Variants in KALRN observed in about 807,000 individuals in gnomAD.
KALRN encodes the protein kalirin.
In KALRN, 70 loss-of-function variants were observed where a neutral mutation model predicts 353.7. That is an observed-to-expected ratio of 0.20 (90% CI 0.16 to 0.24). The LOEUF (loss-of-function observed/expected upper bound fraction) is 0.24, where lower values mean the gene tolerates loss of function less well. Among genes scored for constraint, KALRN ranks in the 10% least tolerant of loss-of-function variants. KALRN has a pLI of 1.00. For missense variants in KALRN, 2,791 were observed against 3,756.7 expected, an observed-to-expected ratio of 0.74 and a Z score of 6.72; for synonymous variants, 1,391 against 1,434.8, an observed-to-expected ratio of 0.97 and a Z score of 0.69.
chr3:124,325,957 G>A, intron 6 of KALRN, 23 bp from the exon 7 acceptor site: 1 of 1,600,518 alleles, frequency 6.2e-7, no homozygotes, highest in South Asian at 1.1e-5. Context: ...CTGCCCCACT[G>A]AGCACTCTCC....
chr3:124,482,941 G>A (rs1442973917), intron 28 of KALRN, 41 bp downstream of exon 28: 6 of 1,367,302 alleles, frequency 4.4e-6, no homozygotes, highest in Non-Finnish European at 6.3e-6. Flanking sequence ...ACTGCCTACT[G>A]CCTGGGGCAA....
At chr3:124,698,865 G>A (rs1486519938) in intron 55 of KALRN, among the ~76,000 whole-genome samples, 1 of 152,146 alleles carries the variant, frequency 6.6e-6, no homozygotes, top group Middle Eastern at 3.2e-3. Context: ...AGAAACAACT[G>A]AGACTTCCAT....
intron 32 of KALRN, 69 bp from the exon 33 acceptor site, chr3:124,496,242 C>G: frequency 1.7e-6 from 2 of 1,196,434 alleles, no homozygotes; most frequent in Non-Finnish European, 2.5e-6. Context: ...ACCGGAAATC[C>G]TTGTGTGCTC....
At chr3:124,572,047 G>T (rs1305322524) in intron 34 of KALRN, among the ~76,000 whole-genome samples, 1 of 151,858 alleles carries the variant, frequency 6.6e-6, no homozygotes, top group Non-Finnish European at 1.5e-5. Flanking sequence ...TTGAGACTGG[G>T]TGCAGTGGCT....
In KALRN at chr3:124,674,346, A is replaced by C. The variant is rs1315498888; in HGVS notation, c.6943-18A>C. On this transcript the variant is annotated intron_variant, in intron 48 of 59. Transcript: ENST00000682506. ...GCGTCCTTGTGTTTGTGCCCCTCTCACCCTTATCTCCCAGCAGAACGACCT... is the reference window on the plus strand; with the variant it reads ...GCGTCCTTGTGTTTGTGCCCCTCTCCCCCTTATCTCCCAGCAGAACGACCT... 7 of 1,605,782 alleles carry C rather than the reference A, an allele frequency of 4.4e-6. No individual in the cohort carries two copies. Among genetic ancestry groups the C allele is most frequent in the Middle Eastern group, 1.7e-4 (1 of 5,980 alleles).
chr3:124,414,779 T>C (rs2092402787), intron 14 of KALRN, among the ~76,000 whole-genome samples: 1 of 152,176 alleles, frequency 6.6e-6, no homozygotes, highest in Non-Finnish European at 1.5e-5. Flanking sequence ...ACCGGGGTCC[T>C]TGTTGGCTCA....
At chr3:124,274,341 G>A (rs886836812) in intron 5 of KALRN, among the ~76,000 whole-genome samples, 2 of 152,214 alleles carry the variant, frequency 1.3e-5, no homozygotes, top group South Asian at 2.1e-4. Flanking sequence ...CTTCTGATGT[G>A]GGGAAGGCCC....
chr3:124,650,921 G>A lies in KALRN; in HGVS notation c.5778G>A (p.Lys1926=). The change falls in exon 38 of 60, where the codon AAG becomes AAA. Residue 1926 remains lysine (K), a synonymous_variant. Transcript: ENST00000682506. The stretch of plus-strand genomic sequence containing the variant: ...ACCCAGAAGAAGAACAGAAAGCCAA[G>A]GCCCTGAGAGGCAGGATGTAAGTGG... ...PKNPEEEQKA[K]ALRGRMFVLN... 1 of 1,614,150 alleles carries A rather than the reference G, an allele frequency of 6.2e-7. No individual in the cohort carries two copies. Among genetic ancestry groups the A allele is most frequent in the Non-Finnish European group, 8.5e-7 (1 of 1,180,016 alleles).
chr3:124,341,314 T>G (rs1386672255), intron 9 of KALRN, among the ~76,000 whole-genome samples: 1 of 152,248 alleles, frequency 6.6e-6, no homozygotes, highest in Non-Finnish European at 1.5e-5. Flanking sequence ...TCCCTAGTGA[T>G]GACATTCCTG....
At chr3:124,141,428 T>A (rs554144161) in intron 1 of KALRN, among the ~76,000 whole-genome samples, 1 of 152,284 alleles carries the variant, frequency 6.6e-6, no homozygotes, top group South Asian at 2.1e-4. Flanking sequence ...CTTTTTCTCA[T>A]GTGGGTGAGA....
chr3:124,709,227 C>A (rs1184692113), intron 57 of KALRN, among the ~76,000 whole-genome samples: 1 of 151,970 alleles, frequency 6.6e-6, no homozygotes. Context: ...CATAATCCTG[C>A]AATAAAAAAG....
intron 5 of KALRN, among the ~76,000 whole-genome samples, chr3:124,276,391 C>T (rs920251766): frequency 1.3e-5 from 2 of 152,156 alleles, no homozygotes; most frequent in Non-Finnish European, 2.9e-5. Flanking sequence ...TCCTCTCCCT[C>T]CAAGGTATAA....
intron 34 of KALRN, among the ~76,000 whole-genome samples, chr3:124,610,550 A>G (rs1049448150): frequency 1.3e-5 from 2 of 152,104 alleles, no homozygotes; most frequent in African/African-American, 4.8e-5. Flanking sequence ...AAAGCTTGAT[A>G]AAGAGGGTGG....
At chr3:124,216,877 T>C (rs2077387499) in intron 1 of KALRN, among the ~76,000 whole-genome samples, 1 of 152,220 alleles carries the variant, frequency 6.6e-6, no homozygotes, top group South Asian at 2.1e-4. Flanking sequence ...TTATTATGGA[T>C]AGGGTCTAGG....
At chr3:124,249,161 C>G (rs2070765447) in intron 3 of KALRN, among the ~76,000 whole-genome samples, 1 of 152,216 alleles carries the variant, frequency 6.6e-6, no homozygotes, top group African/African-American at 2.4e-5. Flanking sequence ...CTTACATACA[C>G]ACAAACTCAG....
At chr3:124,652,066 C>G (rs1209631739) in intron 38 of KALRN, among the ~76,000 whole-genome samples, 1 of 152,136 alleles carries the variant, frequency 6.6e-6, no homozygotes, top group African/African-American at 2.4e-5. Flanking sequence ...TGTGAAGGGT[C>G]CCTCCCTGTT....
intron 1 of KALRN, among the ~76,000 whole-genome samples, chr3:124,184,925 G>T (rs2074033454): frequency 6.6e-6 from 1 of 152,200 alleles, no homozygotes; most frequent in Non-Finnish European, 1.5e-5. Context: ...GGGTGGATCT[G>T]TATGAATGCA....
At chr3:124,233,327 C>T (rs1057376626) in intron 2 of KALRN, among the ~76,000 whole-genome samples, 5 of 152,194 alleles carry the variant, frequency 3.3e-5, no homozygotes, top group Admixed American at 2.0e-4. Flanking sequence ...TTAATTTTCT[C>T]GCTTCCTTTT....
At chr3:124,547,104 C>T (rs77423453) in intron 33 of KALRN, among the ~76,000 whole-genome samples, 2,604 of 152,116 alleles carry the variant, frequency 0.017, 71 homozygotes, top group African/African-American at 0.058. Flanking sequence ...GTCAAAGCAC[C>T]GGGAGAGGAG....
Sources: allele counts gnomAD v4.1 joint callset (sites outside exome capture counted in the v4.1 genomes callset), GRCh38; gene constraint gnomAD v4.1.1; transcripts MANE v1.5; gene names NCBI Gene and HGNC (gene_info 2026-07-23, HGNC 2026-07-21).